The following KCNIP4 variants were observed in gnomAD, a reference collection of about 807,000 sequenced individuals.
KCNIP4 encodes Kv channel-interacting protein 4.
KCNIP4 carries 12 observed loss-of-function variants against 34.0 expected under a neutral mutation model. The observed-to-expected ratio is 0.35, with a 90% CI of 0.23 to 0.57. The LOEUF is 0.57. Among genes scored for constraint, KCNIP4 ranks in the 20% least tolerant of loss-of-function variants. KCNIP4 has a pLI of 0.83. For missense variants in KCNIP4, 238 were observed against 311.7 expected (o/e 0.76, Z 1.78); for synonymous variants, 124 against 102.2 (o/e 1.21, Z -1.29).
At chr4:21,929,732 T>A (rs1052694474) in intron 1 of KCNIP4, among the ~76,000 whole-genome samples, 1 of 152,268 alleles carries the variant, frequency 6.6e-6, no homozygotes, top group African/African-American at 2.4e-5. Context: ...CTTACTCATA[T>A]CCAAGCCCAC....
chr4:21,289,230 A>C (rs1451523130), intron 1 of KCNIP4, among the ~76,000 whole-genome samples: 2 of 152,204 alleles, frequency 1.3e-5, no homozygotes, highest in African/African-American at 4.8e-5. Flanking sequence ...ATAATGTGTA[A>C]TGATTCAATC....
chr4:21,000,185 A>T (rs1056474809), intron 1 of KCNIP4, among the ~76,000 whole-genome samples: 1 of 152,154 alleles, frequency 6.6e-6, no homozygotes, highest in African/African-American at 2.4e-5. Flanking sequence ...ATGATTAGCA[A>T]AAAATTTGGC....
chr4:21,643,687 G>C (rs938021575), intron 1 of KCNIP4, among the ~76,000 whole-genome samples: 8 of 152,098 alleles, frequency 5.3e-5, no homozygotes, highest in Non-Finnish European at 8.8e-5. Flanking sequence ...GAAGAAAACT[G>C]ACCACCCTTC....
At chr4:21,285,359 G>A (rs1763057242) in intron 1 of KCNIP4, among the ~76,000 whole-genome samples, 1 of 152,106 alleles carries the variant, frequency 6.6e-6, no homozygotes, top group Admixed American at 6.6e-5. Flanking sequence ...TGAACAGTGT[G>A]CTAATCACCA....
intron 1 of KCNIP4, among the ~76,000 whole-genome samples, chr4:21,121,864 A>G (rs1023696209): frequency 1.3e-5 from 2 of 152,248 alleles, no homozygotes; most frequent in African/African-American, 4.8e-5. Context: ...ATTTTGTTCA[A>G]TCACTTGGCC....
intron 1 of KCNIP4, among the ~76,000 whole-genome samples, chr4:21,247,676 T>C (rs1307491161): frequency 7.1e-6 from 1 of 140,878 alleles, no homozygotes; most frequent in Non-Finnish European, 1.5e-5. Flanking sequence ...TATATCTATA[T>C]ATAGATATAT....
chr4:21,223,152 T>A (rs558972743), intron 1 of KCNIP4, among the ~76,000 whole-genome samples: 46 of 152,068 alleles, frequency 3.0e-4, no homozygotes, highest in African/African-American at 1.0e-3. Context: ...ATCACAGGGG[T>A]CCTTATAAGT....
At chr4:21,323,292 A>T (rs1392277958) in intron 1 of KCNIP4, among the ~76,000 whole-genome samples, 2 of 151,722 alleles carry the variant, frequency 1.3e-5, no homozygotes, top group African/African-American at 2.4e-5. Context: ...GCTCTTAGTC[A>T]TTTCAAATGT....
chr4:21,616,828 C>T lies in KCNIP4; in HGVS notation c.61+331743G>A, dbSNP rs116837730. On this transcript the variant is annotated intron_variant, in intron 1 of 8. Coordinates refer to ENST00000382152, the MANE Select transcript of KCNIP4 (RefSeq NM_025221.6). ...ACTTCAGTATGGCCTCATCTTAATA[C>T]GTGTTACATCTAATTAATGAATTAG... Among the ~76,000 whole-genome samples, 460 of 152,212 alleles carry T rather than the reference C, an allele frequency of 3.0e-3. 3 individuals are homozygous for T. Among genetic ancestry groups the T allele is most frequent in the African/African-American group, 0.01 (434 of 41,536 alleles).
chr4:20,737,887 T>G (rs2149288164), intron 5 of KCNIP4, among the ~76,000 whole-genome samples: 1 of 152,246 alleles, frequency 6.6e-6, no homozygotes, highest in Non-Finnish European at 1.5e-5. Flanking sequence ...ATCCCAGCAC[T>G]TTGGGTGGTG....
At chr4:21,086,247 A>G (rs757629932) in intron 1 of KCNIP4, among the ~76,000 whole-genome samples, 31 of 152,092 alleles carry the variant, frequency 2.0e-4, no homozygotes, top group Admixed American at 1.3e-3. Context: ...CTTAATTAAT[A>G]TTATTCTCTC....
chr4:21,057,280 T>C (rs1174114092), intron 1 of KCNIP4, among the ~76,000 whole-genome samples: 2 of 152,202 alleles, frequency 1.3e-5, no homozygotes. Flanking sequence ...ATTGATACTG[T>C]CCATGTAAAC....
chr4:21,504,710 G>A (rs1364747000), intron 1 of KCNIP4, among the ~76,000 whole-genome samples: 1 of 151,946 alleles, frequency 6.6e-6, no homozygotes, highest in Non-Finnish European at 1.5e-5. Flanking sequence ...AATGATTTGG[G>A]GTTTCACACG....
At chr4:21,783,835 C>A (rs1719729567) in intron 1 of KCNIP4, among the ~76,000 whole-genome samples, 1 of 152,128 alleles carries the variant, frequency 6.6e-6, no homozygotes, top group African/African-American at 2.4e-5. Flanking sequence ...CTCAACAGAT[C>A]ACATCAGTTT....
At chr4:21,788,666 T>G (rs2109227960) in intron 1 of KCNIP4, among the ~76,000 whole-genome samples, 1 of 152,318 alleles carries the variant, frequency 6.6e-6, no homozygotes, top group Non-Finnish European at 1.5e-5. Flanking sequence ...TTTAGTTCTT[T>G]AATGCAGAAT....
intron 1 of KCNIP4, among the ~76,000 whole-genome samples, chr4:21,112,050 T>TATCTATATATCC (rs1553940041): frequency 0.011 from 1,619 of 151,872 alleles, 30 homozygotes; most frequent in African/African-American, 0.037. Context: ...TCTATCTATC[T>TATCTATATATCC]ATCTATCTAT....
chr4:21,368,982 C>T (rs1227832251), intron 1 of KCNIP4, among the ~76,000 whole-genome samples: 1 of 146,908 alleles, frequency 6.8e-6, no homozygotes, highest in Non-Finnish European at 1.5e-5. Flanking sequence ...ATTCATTTGT[C>T]AATCCATCCA....
chr4:21,408,223 G>A (rs1724172836), intron 1 of KCNIP4, among the ~76,000 whole-genome samples: 1 of 152,152 alleles, frequency 6.6e-6, no homozygotes, highest in Non-Finnish European at 1.5e-5. Context: ...CCAGTAATAT[G>A]ATAATATAGA....
At chr4:21,185,538 C>T (rs1755152890) in intron 1 of KCNIP4, among the ~76,000 whole-genome samples, 1 of 151,576 alleles carries the variant, frequency 6.6e-6, no homozygotes, top group Non-Finnish European at 1.5e-5. Context: ...CTCCTATTTT[C>T]CTTCTCTGCT....
Sources: gnomAD v4.1 joint callset for allele counts (sites outside exome capture counted in the v4.1 genomes callset) on GRCh38, gnomAD v4.1.1 for gene constraint, MANE v1.5 for transcripts, NCBI Gene and HGNC (gene_info 2026-07-23, HGNC 2026-07-21) for gene names.